SLC25A25: variants seen among roughly 807,000 people sequenced by gnomAD.
SLC25A25 encodes mitochondrial adenyl nucleotide antiporter SLC25A25.
SLC25A25 carries 32 observed loss-of-function variants against 57.7 expected under a neutral mutation model. That is an observed-to-expected ratio of 0.55 (90% CI 0.42 to 0.74). SLC25A25 has a LOEUF of 0.74. Ranked by LOEUF, SLC25A25 falls within the 30% of genes least tolerant of loss-of-function variation. The pLI, the probability that SLC25A25 is intolerant of heterozygous loss-of-function variation, is 0.00. For missense variants in SLC25A25, 556 were observed against 701.3 expected (o/e 0.79, Z 2.34); for synonymous variants, 306 against 291.2 (o/e 1.05, Z -0.52).
At chr9:128,092,628 G>A (rs1833442262) in intron 1 of SLC25A25, among the ~76,000 whole-genome samples, 1 of 152,134 alleles carries the variant, frequency 6.6e-6, no homozygotes. Context: ...CGCAGAGGCT[G>A]GTGCCCCTCT....
chr9:128,104,032 G>A (rs983098557), intron 6 of SLC25A25, among the ~76,000 whole-genome samples, 193 bp downstream of exon 6: 31 of 152,260 alleles, frequency 2.0e-4, no homozygotes, highest in East Asian at 7.7e-4. Context: ...TGTGCAGAGC[G>A]GATCTAATTT....
intron 1 of SLC25A25, chr9:128,092,189 G>A (rs548020448): frequency 2.1e-5 from 29 of 1,410,494 alleles, no homozygotes; most frequent in Admixed American, 1.4e-4. Context: ...AACTCACAAC[G>A]TTAGTTCGGG....
chr9:128,089,929 T>C (rs925584786), intron 1 of SLC25A25, among the ~76,000 whole-genome samples: 4 of 152,126 alleles, frequency 2.6e-5, no homozygotes, highest in African/African-American at 9.7e-5. Flanking sequence ...GCCACTGCGC[T>C]CGGCCTTCTT....
intron 1 of SLC25A25, among the ~76,000 whole-genome samples, chr9:128,082,837 T>G (rs1323311349): frequency 2.6e-5 from 4 of 152,048 alleles, no homozygotes; most frequent in Non-Finnish European, 5.9e-5. Context: ...TTCACCATGT[T>G]GGCCAGGCTG....
chr9:128,098,311 G>A (rs537683527), intron 1 of SLC25A25: 19 of 440,204 alleles, frequency 4.3e-5, no homozygotes, highest in South Asian at 4.1e-4. Flanking sequence ...GAGCGGTGAC[G>A]TCAGCCCTGA....
chr9:128,068,682 G>A, intron 1 of SLC25A25, 102 bp downstream of exon 1: 9 of 1,261,674 alleles, frequency 7.1e-6, no homozygotes, highest in Non-Finnish European at 8.2e-6. Flanking sequence ...AACCCCCACT[G>A]TCCAGAGGAA....
rs1463122878 is a variant in SLC25A25, at chr9:128,103,331, C to G, written c.625-350C>G. ...CAGACGGCTCTCACCCCGGCCTGAT[C>G]CCTTCAGCGCAGCCAGCCTGGCAAT... On this transcript the variant is annotated intron_variant, in intron 5 of 10. Coordinates refer to ENST00000373069, the MANE Select transcript of SLC25A25 (RefSeq NM_001330988.2). This position sits in a 1 kb window ranked among gnomAD's most constrained non-coding sequence, Gnocchi z 6.7. Among the ~76,000 whole-genome samples the G allele has an allele frequency of 2.6e-5, 4 of 152,236 alleles. No homozygotes were observed. The highest frequency in any genetic ancestry group is 5.9e-5 in the Non-Finnish European group (4 of 68,040).
chr9:128,101,487 C>A lies in SLC25A25; in HGVS notation c.476+91C>A. On this transcript the variant is annotated intron_variant, in intron 3 of 10. Transcript: ENST00000373069. This position sits in a 1 kb window ranked among gnomAD's most constrained non-coding sequence, Gnocchi z 4.9. ...CTCCGATGCCATTCCCTGGGCTGACCCTGAACTTGGCCTTCTCGTGGTTTG... is the reference window on the plus strand; with the variant it reads ...CTCCGATGCCATTCCCTGGGCTGACACTGAACTTGGCCTTCTCGTGGTTTG... 6.9e-7 allele frequency: 1 copy of A among 1,442,750 alleles called. No individual in the cohort carries two copies. Among genetic ancestry groups the A allele is most frequent in the Non-Finnish European group, 9.5e-7 (1 of 1,047,612 alleles). The allele number at this position is 1,442,750 out of a possible 1,614,324, so 89.4% of individuals were successfully genotyped here. A position where few individuals can be genotyped will look rare whatever the true frequency, so the allele number is the denominator to read the frequency against.
Position 128,071,826 on chromosome 9 carries a change from C to G in SLC25A25, c.261+3246C>G, listed in dbSNP as rs1048006335. ...TCCTGGGTTCAAGCAGTTCTCCTGC[C>G]TCAGCTTCCTGAGTAGCTGGGATTA... On this transcript the variant is annotated intron_variant, in intron 1 of 10. Transcript: ENST00000373069. Among the ~76,000 whole-genome samples, 5 of 151,986 alleles carry G rather than the reference C, an allele frequency of 3.3e-5. 1 individual carries two copies. Among genetic ancestry groups the G allele is most frequent in the African/African-American group, 1.2e-4 (5 of 41,344 alleles).
chr9:128,097,799 T>G (rs1833605827), intron 1 of SLC25A25, among the ~76,000 whole-genome samples: 1 of 152,184 alleles, frequency 6.6e-6, no homozygotes, highest in Non-Finnish European at 1.5e-5. Flanking sequence ...TCCTGGGCAC[T>G]CTGGGGCTCC....
intron 1 of SLC25A25, among the ~76,000 whole-genome samples, chr9:128,070,267 T>C (rs1018804178): frequency 1.3e-5 from 2 of 151,708 alleles, no homozygotes; most frequent in Non-Finnish European, 2.9e-5. Flanking sequence ...ATTTTTTTTT[T>C]GTTTGAATTT....
chr9:128,076,583 A>G (rs976934950), intron 1 of SLC25A25, among the ~76,000 whole-genome samples: 1 of 150,964 alleles, frequency 6.6e-6, no homozygotes, highest in Non-Finnish European at 1.5e-5. Context: ...CTCCTGCCTC[A>G]GCCTCCCCAG....
Position 128,106,499 on chromosome 9 carries a change from C to T in SLC25A25, c.1191C>T (p.Gly397=). ...PNMLGIIPYA[G]IDLAVYETLK... ...TGCTGGGCATCATCCCCTATGCCGG[C>T]ATCGACCTTGCAGTCTACGAGGTGA... The change falls in exon 9 of 11, where the codon GGC becomes GGT. Residue 397 remains glycine (G), a synonymous_variant. Transcript: ENST00000373069. The T allele has an allele frequency of 1.2e-6, 2 of 1,608,960 alleles. No homozygotes were observed. Among genetic ancestry groups the T allele is most frequent in the East Asian group, 2.2e-5 (1 of 44,878 alleles).
chr9:128,093,394 G>A (rs750444371), intron 1 of SLC25A25, among the ~76,000 whole-genome samples: 1 of 152,180 alleles, frequency 6.6e-6, no homozygotes, highest in Non-Finnish European at 1.5e-5. Flanking sequence ...TCGAATGGCC[G>A]GCTCCTTTTA....
At chr9:128,074,407 CA>C (rs753363893) in intron 1 of SLC25A25, among the ~76,000 whole-genome samples, 2 of 151,822 alleles carry the variant, frequency 1.3e-5, no homozygotes, top group Admixed American at 6.6e-5. Context: ...ATCCTAAAAC[CA>C]AGTAACAAAT....
rs573245480 is a variant in SLC25A25, at chr9:128,078,596, C to T, written c.261+10016C>T. 4.6e-5 allele frequency among the ~76,000 whole-genome samples: 7 copies of T among 152,308 alleles called. No homozygotes were observed. The South Asian group carries it at 6.2e-4, about 14-fold the overall frequency. ...CCGCATGCTTTCCCTGGACAGAAACCGGACCTCCTCATCTTGCAAGCCTGT... is the reference window on the plus strand; with the variant it reads ...CCGCATGCTTTCCCTGGACAGAAACTGGACCTCCTCATCTTGCAAGCCTGT... On this transcript the variant is annotated intron_variant, in intron 1 of 10. Transcript: ENST00000373069.
intron 1 of SLC25A25, among the ~76,000 whole-genome samples, chr9:128,087,518 A>G (rs761859591): frequency 6.6e-6 from 1 of 152,166 alleles, no homozygotes; most frequent in African/African-American, 2.4e-5. Flanking sequence ...TCCGAAATTT[A>G]GTTGTGATGT....
Position 128,106,283 on chromosome 9 carries a change from C to CAGGCAGT in SLC25A25, c.1044+26_1044+27insAGGCAGT, listed in dbSNP as rs1554739411. 3.0e-4 allele frequency: 487 copies of CAGGCAGT among 1,614,010 alleles called. 1 individual carries two copies. The African/African-American group carries it at 4.4e-3, about 15-fold the overall frequency. On this transcript the variant is annotated intron_variant, in intron 8 of 10. Transcript: ENST00000373069. ...GTGAGGGGCCGCCTGGGTCCTGGGGCGGGCAGTGGGCACAGGACTGGGGAG... is the reference window on the plus strand; with the variant it reads ...GTGAGGGGCCGCCTGGGTCCTGGGGCAGGCAGTGGGCAGTGGGCACAGGACTGGGGAG...
In SLC25A25 at chr9:128,107,341, A is replaced by G; in HGVS notation, c.1445A>G (p.Tyr482Cys). The change falls in exon 11 of 11, where the codon TAC (tyrosine) becomes TGC (cysteine). Residue 482 changes from tyrosine (Y) to cysteine (C), a missense_variant. Tyr to Cys is a radical substitution (Grantham distance 194). This residue lies in a region of SLC25A25 where 294 missense variants were observed against 389.6 expected (regional missense o/e 0.75). Coordinates refer to ENST00000373069, the MANE Select transcript of SLC25A25 (RefSeq NM_001330988.2). ...CGGACCGAGGGGGCCTTCGGGCTGT[A>G]CAGGGGGCTGGCCCCCAACTTCATG... ...ILRTEGAFGL[Y>C]RGLAPNFMKV... 6.5e-7 allele frequency: 1 copy of G among 1,529,036 alleles called. No homozygotes were observed. Among genetic ancestry groups the G allele is most frequent in the Non-Finnish European group, 8.8e-7 (1 of 1,136,176 alleles). 94.7% of individuals were successfully genotyped at this position (1,529,036 alleles called of 1,614,324 possible).
Sources: gnomAD v4.1 joint callset for allele counts (sites outside exome capture counted in the v4.1 genomes callset) on GRCh38, gnomAD v4.1.1 for gene constraint, gnomAD v4.1.1 regional missense constraint, Gnocchi (gnomAD v3.1) non-coding constraint, MANE v1.5 for transcripts, NCBI Gene and HGNC (gene_info 2026-07-23, HGNC 2026-07-21) for gene names.